The following GLYR1 variants were observed in gnomAD, a reference collection of about 807,000 sequenced individuals.
The protein encoded by GLYR1 is glyoxylate reductase 1 homolog.
GLYR1 carries 21 observed loss-of-function variants against 72.7 expected under a neutral mutation model. That is an observed-to-expected ratio of 0.29 (90% confidence interval 0.20 to 0.42). The LOEUF (loss-of-function observed/expected upper bound fraction) is 0.42, where lower values mean the gene tolerates loss of function less well. Ranked by LOEUF, GLYR1 falls within the 10% of genes least tolerant of loss-of-function variation. The probability of loss-of-function intolerance (pLI) is 1.00; values close to 1 mark genes in which losing one functional copy is unlikely to be tolerated. For missense variants in GLYR1, 594 were observed against 712.1 expected (o/e 0.83, Z 1.89); for synonymous variants, 392 against 270.2 (o/e 1.45, Z -4.42).
intron 12 of GLYR1, among the ~76,000 whole-genome samples, chr16:4,813,175 G>C (rs1279084463): frequency 1.3e-5 from 2 of 151,958 alleles, no homozygotes; most frequent in African/African-American, 4.8e-5. Context: ...GTGTTAGCCA[G>C]GATGGTCTCG....
rs370726031 is a variant in GLYR1, at chr16:4,839,408, A to C, written c.155+5666T>G. 25 of 152,260 alleles carry C rather than the reference A, an allele frequency of 1.6e-4. No individual in the cohort carries two copies. The East Asian group carries it at 4.6e-3, about 28-fold the overall frequency. The allele number at this position is 152,260 out of a possible 1,614,324, so 9.4% of individuals were successfully genotyped here. ...ACGCCTGGCCCCGATGAAACTTTTAAACCGTGAGCTCTGTCTCTACTCTGA... is the reference window on the plus strand; with the variant it reads ...ACGCCTGGCCCCGATGAAACTTTTACACCGTGAGCTCTGTCTCTACTCTGA... On this transcript the variant is annotated intron_variant, in intron 3 of 15. Coordinates refer to ENST00000321919, the MANE Select transcript of GLYR1 (RefSeq NM_032569.4).
At chr16:4,830,369 T>A (rs2084715091) in intron 5 of GLYR1, among the ~76,000 whole-genome samples, 1 of 152,020 alleles carries the variant, frequency 6.6e-6, no homozygotes, top group Admixed American at 6.6e-5. Context: ...CTTCCCAGCT[T>A]CTCTTGAGAA....
At chr16:4,809,932 A>C (rs960305188) in intron 15 of GLYR1, among the ~76,000 whole-genome samples, 4 of 149,124 alleles carry the variant, frequency 2.7e-5, no homozygotes, top group East Asian at 1.9e-4. Flanking sequence ...TCCAAAAAAA[A>C]CAAAAAAACA....
rs570129951 is a variant in GLYR1, at chr16:4,832,761, T to C, written c.294+13A>G. On this transcript the variant is annotated intron_variant, in intron 4 of 15. Transcript: ENST00000321919. ...GTCTGGCATTGGTAGAAAGTGAACATTGTGTCTCTCACCTGGTCTTTCCCT... is the reference window on the plus strand; with the variant it reads ...GTCTGGCATTGGTAGAAAGTGAACACTGTGTCTCTCACCTGGTCTTTCCCT... 3.8e-6 allele frequency: 6 copies of C among 1,598,474 alleles called. No homozygotes were observed. The East Asian group carries it at 1.1e-4, about 30-fold the overall frequency.
intron 9 of GLYR1, among the ~76,000 whole-genome samples, chr16:4,818,743 G>A (rs922049310): frequency 3.9e-5 from 6 of 152,032 alleles, no homozygotes; most frequent in Admixed American, 2.0e-4. Flanking sequence ...CCGTCTTCCC[G>A]TTATCAACAG....
At chr16:4,816,065 G>A (rs1020734777) in intron 10 of GLYR1, among the ~76,000 whole-genome samples, 4 of 152,032 alleles carry the variant, frequency 2.6e-5, no homozygotes, top group Admixed American at 1.3e-4. Context: ...CACCGCACCC[G>A]GCCTTGTTTG....
In GLYR1 at chr16:4,814,066, A is replaced by T. The variant is rs973543590; in HGVS notation, c.1018-228T>A. The T allele has an allele frequency of 1.6e-3, 410 of 254,914 alleles. 2 individuals are homozygous for T. The highest frequency in any genetic ancestry group is 0.014 in the African/African-American group (355 of 25,454). 15.8% of individuals were successfully genotyped at this position (254,914 alleles called of 1,614,324 possible). A position where few individuals can be genotyped will look rare whatever the true frequency, so the allele number is the denominator to read the frequency against. ...GAGTGTGTGCATTTCTTTTTATTTAAAAAAAAAAAAAAACAAACCCCATTT... is the reference window on the plus strand; with the variant it reads ...GAGTGTGTGCATTTCTTTTTATTTATAAAAAAAAAAAAACAAACCCCATTT... On this transcript the variant is annotated intron_variant, in intron 11 of 15. Transcript: ENST00000321919.
chr16:4,822,609 T>C (rs545213090), intron 7 of GLYR1, among the ~76,000 whole-genome samples: 3 of 152,314 alleles, frequency 2.0e-5, no homozygotes, highest in East Asian at 3.9e-4. Flanking sequence ...CAGACTGGTC[T>C]TGAATCCCTA....
intron 7 of GLYR1, among the ~76,000 whole-genome samples, chr16:4,821,874 C>T (rs1221742341): frequency 6.6e-6 from 1 of 152,242 alleles, no homozygotes; most frequent in East Asian, 1.9e-4. Flanking sequence ...CACAAACTCT[C>T]ATGAGATCCT....
chr16:4,845,015 C>CA, intron 3 of GLYR1, 59 bp downstream of exon 3: 2 of 1,111,838 alleles, frequency 1.8e-6, no homozygotes, highest in Non-Finnish European at 2.7e-6. Flanking sequence ...CAAAGCAGCT[C>CA]AGACTCCAGG....
intron 1 of GLYR1, 57 bp downstream of exon 1, chr16:4,847,171 G>T: frequency 1.3e-6 from 2 of 1,523,856 alleles, no homozygotes; most frequent in Non-Finnish European, 1.8e-6. Flanking sequence ...AGCGAACCCC[G>T]CGCCCAGGCG....
rs547084506 is a variant in GLYR1, at chr16:4,820,843, C to T, written c.806+537G>A. Among the ~76,000 whole-genome samples the T allele has an allele frequency of 3.9e-5, 6 of 152,348 alleles. No individual in the cohort carries two copies. In the East Asian group the frequency reaches 5.8e-4, roughly 15 times the overall value. ...TTGGGTCTGGGAGCATGTCCAGGAT[C>T]GCCCCACCCACACCGGGCAGGGTGC... On this transcript the variant is annotated intron_variant, in intron 9 of 15. Transcript: ENST00000321919.
chr16:4,846,699 C>T (rs1379449843), intron 1 of GLYR1: 4 of 234,710 alleles, frequency 1.7e-5, no homozygotes, highest in Non-Finnish European at 3.4e-5. Context: ...GTGCACTGGT[C>T]ACTGCCAAGC....
At position 4,811,976 on chromosome 16, in the gene GLYR1, C is replaced by G. The variant is rs934203132; in HGVS notation, c.1282+110G>C. ...ACTGACTATGCAGGTGAAAGGAAAC[C>G]TTCCCCAGGGTCCCCGGCAGAAAGG... On this transcript the variant is annotated intron_variant, in intron 13 of 15. Transcript: ENST00000321919. 1.4e-5 allele frequency: 21 copies of G among 1,478,828 alleles called. No individual in the cohort carries two copies. In the African/African-American group the frequency reaches 1.5e-4, roughly 11 times the overall value. The allele number at this position is 1,478,828 out of a possible 1,614,324, so 91.6% of individuals were successfully genotyped here.
intron 15 of GLYR1, among the ~76,000 whole-genome samples, chr16:4,810,935 T>C (rs557303417): frequency 6.6e-6 from 1 of 151,656 alleles, no homozygotes; most frequent in East Asian, 1.9e-4. Flanking sequence ...AGAAACCCCA[T>C]CTCTGCTAAA....
intron 14 of GLYR1, 80 bp from the exon 15 acceptor site, chr16:4,811,374 C>T (rs2083314382): frequency 6.4e-6 from 10 of 1,570,174 alleles, no homozygotes; most frequent in African/African-American, 2.7e-5. Context: ...GGTGTCAGTA[C>T]CTAAAACATA....
intron 15 of GLYR1, among the ~76,000 whole-genome samples, chr16:4,806,921 T>C (rs8058844): frequency 0.29 from 42,872 of 149,206 alleles, 7,695 homozygotes; most frequent in African/African-American, 0.52. Flanking sequence ...ATTCTCCTGC[T>C]TCAGCCTCCC....
chr16:4,823,933 T>C (rs2084214022), intron 5 of GLYR1, 26 bp from the exon 6 acceptor site: 3 of 1,581,558 alleles, frequency 1.9e-6, no homozygotes, highest in African/African-American at 2.7e-5. Context: ...CAGGGCATTT[T>C]AAAATCACAT....
intron 3 of GLYR1, among the ~76,000 whole-genome samples, chr16:4,836,421 T>A (rs1183268991): frequency 6.6e-6 from 1 of 152,246 alleles, no homozygotes; most frequent in Non-Finnish European, 1.5e-5. Flanking sequence ...GATGGAGCTA[T>A]ATCTTTCAGC....
Sources: gnomAD v4.1 joint callset for allele counts (sites outside exome capture counted in the v4.1 genomes callset) on GRCh38, gnomAD v4.1.1 for gene constraint, MANE v1.5 for transcripts, NCBI Gene and HGNC (gene_info 2026-07-23, HGNC 2026-07-21) for gene names.